The following ODAD4 variants were observed in gnomAD, a reference collection of about 807,000 sequenced individuals.
ODAD4 encodes the protein outer dynein arm docking complex subunit 4.
ODAD4 carries 49 observed loss-of-function variants against 51.8 expected under a neutral mutation model. The ratio of observed to expected loss-of-function variants is 0.95; its 90% CI spans 0.75 to 1.20. The LOEUF (loss-of-function observed/expected upper bound fraction) is 1.20, where lower values mean the gene tolerates loss of function less well. ODAD4 is among the 50% of genes most tolerant of loss of function. ODAD4 has a pLI of 0.00. For missense variants in ODAD4, 590 were observed against 586.5 expected, an observed-to-expected ratio of 1.01 and a Z score of -0.06; for synonymous variants, 235 against 221.3, an observed-to-expected ratio of 1.06 and a Z score of -0.55.
At chr17:41,945,339 T>A in intron 8 of ODAD4, 117 bp downstream of exon 8, 79 of 472,488 alleles carry the variant, frequency 1.7e-4, no homozygotes, top group Non-Finnish European at 2.1e-4. Context: ...AGACTCCCTC[T>A]CTACAAAAAA....
intron 8 of ODAD4, among the ~76,000 whole-genome samples, chr17:41,945,652 A>G (rs797031944): frequency 9.2e-5 from 14 of 152,274 alleles, no homozygotes; most frequent in African/African-American, 2.9e-4. Context: ...TAATCCCAGC[A>G]CTTTGGGAGG....
chr17:41,955,010 C>T, intron 9 of ODAD4: 1 of 679,966 alleles, frequency 1.5e-6, no homozygotes, highest in Non-Finnish European at 2.7e-6. Flanking sequence ...TTCCTCAGTC[C>T]TGGTTCTCGA....
chr17:41,956,047 C>CTT (rs71357524), intron 10 of ODAD4, among the ~76,000 whole-genome samples: 84 of 124,916 alleles, frequency 6.7e-4, no homozygotes, highest in Non-Finnish European at 8.9e-4. Flanking sequence ...CTGTACTTAG[C>CTT]TTTTTTTTTT....
chr17:41,961,025 C>T (rs1272171169), intron 10 of ODAD4, among the ~76,000 whole-genome samples: 2 of 152,182 alleles, frequency 1.3e-5, no homozygotes, highest in Non-Finnish European at 2.9e-5. Flanking sequence ...TGCTGCCTTG[C>T]TGAGTGCTTG....
chr17:41,949,473 G>A (rs2050626905), intron 9 of ODAD4, 124 bp downstream of exon 9: 1 of 396,276 alleles, frequency 2.5e-6, no homozygotes, highest in African/African-American at 2.1e-5. Flanking sequence ...TATTCTGAGA[G>A]TGGGGATAAG....
chr17:41,958,603 A>G (rs1211908528), intron 10 of ODAD4, among the ~76,000 whole-genome samples: 2 of 148,408 alleles, frequency 1.3e-5, no homozygotes, highest in Admixed American at 6.8e-5. Flanking sequence ...TGGAGGTTGC[A>G]TGAGCCAAGA....
chr17:41,936,630 C>G, intron 4 of ODAD4, 96 bp downstream of exon 4: 1 of 1,505,308 alleles, frequency 6.6e-7, no homozygotes, highest in East Asian at 2.3e-5. Context: ...CCTGACCAGG[C>G]ATACTCCGTG....
At chr17:41,960,151 C>T (rs1245182675) in intron 10 of ODAD4, among the ~76,000 whole-genome samples, 1 of 152,088 alleles carries the variant, frequency 6.6e-6, no homozygotes, top group African/African-American at 2.4e-5. Flanking sequence ...TGTGTGCGGC[C>T]ATTGTCCTAG....
chr17:41,965,216 C>T lies in ODAD4; in HGVS notation c.1752C>T (p.Gly584=), dbSNP rs782220044. ...ARSDLGAVAK[G]LSGELGTRSG... Reference sequence around the variant, plus strand: ...GCGATTTGGGAGCAGTTGCCAAGGGCCTGTCAGGAGAATTAGGCACAAGAT... The same window carrying T: ...GCGATTTGGGAGCAGTTGCCAAGGGTCTGTCAGGAGAATTAGGCACAAGAT... Residue 584 remains glycine (G), a synonymous_variant, in exon 12 of 12, where the codon GGC becomes GGT. Transcript: ENST00000377540. 19 of 774,926 alleles carry T rather than the reference C, an allele frequency of 2.5e-5. No homozygotes were observed. Among genetic ancestry groups the T allele is most frequent in the Non-Finnish European group, 3.6e-5 (15 of 415,408 alleles). The allele number at this position is 774,926 out of a possible 1,614,324, so 48.0% of individuals were successfully genotyped here.
At chr17:41,946,193 GTC>G (rs138599034) in intron 8 of ODAD4, among the ~76,000 whole-genome samples, 2,898 of 152,302 alleles carry the variant, frequency 0.019, 53 homozygotes, top group Non-Finnish European at 0.029. Context: ...CCACCATTTT[GTC>G]TCTTAATGTG....
chr17:41,955,889 T>G (rs2050725575), intron 10 of ODAD4, among the ~76,000 whole-genome samples: 1 of 152,038 alleles, frequency 6.6e-6, no homozygotes, highest in African/African-American at 2.4e-5. Flanking sequence ...TATGGCTCAT[T>G]GCAGCCTCGA....
chr17:41,962,714 C>T (rs778188196), intron 11 of ODAD4, among the ~76,000 whole-genome samples: 1 of 152,174 alleles, frequency 6.6e-6, no homozygotes, highest in Non-Finnish European at 1.5e-5. Context: ...CGCGTCGGCC[C>T]GTGCCACACT....
In ODAD4 at chr17:41,965,086, A is replaced by G; in HGVS notation, c.1622A>G (p.His541Arg). The change falls in exon 12 of 12, where the codon CAT (histidine) becomes CGT (arginine). Residue 541 changes from histidine to arginine, a missense_variant. Transcript: ENST00000377540. Reference protein sequence around the residue: ...EPEKVVKQWDHSEDEKETDED... With the variant: ...EPEKVVKQWDRSEDEKETDED... ...GAGAAGGTGGTGAAGCAGTGGGACC[A>G]TAGTGAGGATGAGAAAGAGACAGAT... The G allele has an allele frequency of 1.3e-6, 1 of 767,900 alleles. No individual in the cohort carries two copies. Among genetic ancestry groups the G allele is most frequent in the Middle Eastern group, 2.3e-4 (1 of 4,430 alleles). The allele number at this position is 767,900 out of a possible 1,614,324, so 47.6% of individuals were successfully genotyped here. A position where few individuals can be genotyped will look rare whatever the true frequency, so the allele number is the denominator to read the frequency against.
In ODAD4 at chr17:41,945,242, C is replaced by T; in HGVS notation, c.1145+20C>T. 3.2e-6 allele frequency: 5 copies of T among 1,585,732 alleles called. No individual in the cohort carries two copies. Among genetic ancestry groups the T allele is most frequent in the Non-Finnish European group, 4.3e-6 (5 of 1,157,420 alleles). ...TGACACGTGAGTGACCAAGAATTGC[C>T]TCTTCCCCACCTCCATGGTTAGAAC... On this transcript the variant is annotated intron_variant, in intron 8 of 11. Transcript: ENST00000377540.
chr17:41,955,691 T>C (rs2050722789), intron 10 of ODAD4, among the ~76,000 whole-genome samples: 1 of 152,188 alleles, frequency 6.6e-6, no homozygotes, highest in Non-Finnish European at 1.5e-5. Flanking sequence ...CTCAAAATGC[T>C]GGGATTACAG....
intron 1 of ODAD4, among the ~76,000 whole-genome samples, chr17:41,934,919 C>G (rs2050402693): frequency 6.6e-6 from 1 of 152,188 alleles, no homozygotes; most frequent in Admixed American, 6.6e-5. Context: ...GTCAGCGTAT[C>G]CACAGAGCAG....
intron 8 of ODAD4, among the ~76,000 whole-genome samples, chr17:41,945,825 C>T (rs555130114): frequency 4.6e-5 from 7 of 152,192 alleles, no homozygotes; most frequent in South Asian, 2.1e-4. Context: ...CGCTTGAACC[C>T]GGAAGGCGGA....
intron 8 of ODAD4, among the ~76,000 whole-genome samples, chr17:41,945,900 CA>C (rs35853007): frequency 0.67 from 101,713 of 151,658 alleles, 35,507 homozygotes; most frequent in East Asian, 0.83. Flanking sequence ...GATACAGTCT[CA>C]AAAAAAAACC....
At chr17:41,958,432 G>A (rs1477311678) in intron 10 of ODAD4, among the ~76,000 whole-genome samples, 1 of 152,040 alleles carries the variant, frequency 6.6e-6, no homozygotes, top group Non-Finnish European at 1.5e-5. Flanking sequence ...AGGCCGAGAT[G>A]GATGGATCAC....
Sources: allele counts gnomAD v4.1 joint callset (sites outside exome capture counted in the v4.1 genomes callset), GRCh38; gene constraint gnomAD v4.1.1; transcripts MANE v1.5; gene names NCBI Gene and HGNC (gene_info 2026-07-23, HGNC 2026-07-21).